Variants in PRKG1 observed in about 807,000 individuals in gnomAD.
The protein encoded by PRKG1 is cGMP-dependent protein kinase 1.
Under a neutral mutation model 88.1 loss-of-function variants are expected in PRKG1, and 35 were observed. The observed-to-expected ratio is 0.40, with a 90% CI of 0.30 to 0.53. PRKG1 has a LOEUF of 0.53. Ranked by LOEUF, PRKG1 falls within the 20% of genes least tolerant of loss-of-function variation. The pLI, the probability that PRKG1 is intolerant of heterozygous loss-of-function variation, is 0.59. For missense variants in PRKG1, 540 were observed against 839.8 expected, an observed-to-expected ratio of 0.64 and a Z score of 4.41; for synonymous variants, 303 against 292.5, an observed-to-expected ratio of 1.04 and a Z score of -0.37.
intron 2 of PRKG1, among the ~76,000 whole-genome samples, chr10:51,319,646 T>C (rs1156450796): frequency 6.6e-6 from 1 of 152,234 alleles, no homozygotes; most frequent in Non-Finnish European, 1.5e-5. Context: ...TCTACCAAAA[T>C]GTGTTGACCA....
Position 51,361,014 on chromosome 10 carries a change from A to C in PRKG1, c.479-106709A>C, listed in dbSNP as rs142180249. Among the ~76,000 whole-genome samples, 1,403 of 151,980 alleles carry C rather than the reference A, an allele frequency of 9.2e-3. 10 individuals are homozygous for C. Among genetic ancestry groups the C allele is most frequent in the Middle Eastern group, 0.017 (5 of 294 alleles). On this transcript the variant is annotated intron_variant, in intron 2 of 17. Transcript: ENST00000373980. ...GAAGTTAAGGAAAATGTGTCATTGG[A>C]GCTATAGTATATTTAAGGGCACTTA...
At chr10:52,144,868 T>G (rs772210905) in intron 8 of PRKG1, among the ~76,000 whole-genome samples, 12 of 152,162 alleles carry the variant, frequency 7.9e-5, no homozygotes, top group Middle Eastern at 3.2e-3. Context: ...AAGTAGATTT[T>G]TATTAATAAT....
rs1564551792 is a variant in PRKG1, at chr10:52,298,132, T to C, written c.*4232T>C. ...TACAGCTATGGTTATTTGATTGTCCTCTTACAATTTGTTCTACATGAAAGA... is the reference window on the plus strand; with the variant it reads ...TACAGCTATGGTTATTTGATTGTCCCCTTACAATTTGTTCTACATGAAAGA... On this transcript the variant is annotated 3_prime_UTR_variant, in exon 18 of 18. Transcript: ENST00000373980. 6.6e-6 allele frequency: 1 copy of C among 152,108 alleles called. No homozygotes were observed. The highest frequency in any genetic ancestry group is 2.4e-5 in the African/African-American group (1 of 41,420). 9.4% of individuals were successfully genotyped at this position (152,108 alleles called of 1,614,324 possible).
intron 3 of PRKG1, among the ~76,000 whole-genome samples, chr10:51,761,335 T>C (rs1838017134): frequency 6.6e-6 from 1 of 152,212 alleles, no homozygotes; most frequent in African/African-American, 2.4e-5. Context: ...TGCCTTCCTT[T>C]TTGTTATGGT....
At chr10:51,692,369 A>G (rs1253982937) in intron 3 of PRKG1, among the ~76,000 whole-genome samples, 1 of 152,012 alleles carries the variant, frequency 6.6e-6, no homozygotes, top group African/African-American at 2.4e-5. Flanking sequence ...CAGCCTCCCA[A>G]GTAGCTGGGA....
At chr10:52,166,961 A>T (rs183071772) in intron 9 of PRKG1, among the ~76,000 whole-genome samples, 23 of 150,802 alleles carry the variant, frequency 1.5e-4, no homozygotes, top group Middle Eastern at 3.4e-3. Flanking sequence ...AACAATCTAA[A>T]CCAAACACAA....
At chr10:51,582,291 A>G (rs934314815) in intron 3 of PRKG1, among the ~76,000 whole-genome samples, 1 of 152,162 alleles carries the variant, frequency 6.6e-6, no homozygotes, top group Non-Finnish European at 1.5e-5. Context: ...TGACCTCTGC[A>G]GTGAGAGTAG....
chr10:51,874,399 G>A (rs749456337), intron 4 of PRKG1, among the ~76,000 whole-genome samples: 2 of 152,216 alleles, frequency 1.3e-5, no homozygotes, highest in Non-Finnish European at 2.9e-5. Flanking sequence ...AAGCCGAGAA[G>A]TAGTAGTACA....
At chr10:52,014,582 A>G (rs1322003911) in intron 5 of PRKG1, among the ~76,000 whole-genome samples, 1 of 152,188 alleles carries the variant, frequency 6.6e-6, no homozygotes, top group African/African-American at 2.4e-5. Context: ...AAAATTAATC[A>G]TGCCTTTCCA....
chr10:51,438,641 A>G (rs780647234), intron 2 of PRKG1, among the ~76,000 whole-genome samples: 1 of 151,962 alleles, frequency 6.6e-6, no homozygotes, highest in Non-Finnish European at 1.5e-5. Flanking sequence ...GTTACATACT[A>G]TCAATGATGA....
chr10:51,570,417 C>T (rs1837723197), intron 3 of PRKG1, among the ~76,000 whole-genome samples: 1 of 151,762 alleles, frequency 6.6e-6, no homozygotes, highest in African/African-American at 2.4e-5. Context: ...ATTTACTGTT[C>T]ATTAAGTGGA....
At position 51,134,590 on chromosome 10, in the gene PRKG1, A is replaced by G. The variant is rs145576290; in HGVS notation, c.312-18574A>G. 2.4e-3 allele frequency among the ~76,000 whole-genome samples: 372 copies of G among 152,326 alleles called. 3 individuals carry two copies. The highest frequency in any genetic ancestry group is 8.6e-3 in the African/African-American group (357 of 41,580). On this transcript the variant is annotated intron_variant, in intron 1 of 17. Transcript: ENST00000373980. Reference sequence around the variant, plus strand: ...GCCAAATAATAGTGGAGAAAATAATAGTGAATGTCAACCTTTTGTAGCTCC... The same window carrying G: ...GCCAAATAATAGTGGAGAAAATAATGGTGAATGTCAACCTTTTGTAGCTCC...
chr10:51,933,478 T>C (rs1204309184), intron 5 of PRKG1, among the ~76,000 whole-genome samples: 7 of 152,154 alleles, frequency 4.6e-5, no homozygotes, highest in Non-Finnish European at 1.0e-4. Context: ...TCCCTTTTAA[T>C]GGTGAACTTC....
intron 2 of PRKG1, among the ~76,000 whole-genome samples, chr10:51,331,118 C>A (rs1459011370): frequency 6.6e-6 from 1 of 152,090 alleles, no homozygotes; most frequent in Non-Finnish European, 1.5e-5. Context: ...GCTGGGGTGG[C>A]AGAAGCCCTT....
intron 1 of PRKG1, among the ~76,000 whole-genome samples, chr10:51,094,068 G>A (rs1226891200): frequency 6.6e-6 from 1 of 151,928 alleles, no homozygotes; most frequent in Non-Finnish European, 1.5e-5. Context: ...AGTGAACAAT[G>A]AGTGCTGTTT....
In PRKG1 at chr10:51,154,311, C is replaced by T. The variant is rs573402990; in HGVS notation, c.478+981C>T. Reference sequence around the variant, plus strand: ...GGGGACATTTGGTGATATCTGGAGACATTTTTGGTTGTCACAAAGGGGGTG... The same window carrying T: ...GGGGACATTTGGTGATATCTGGAGATATTTTTGGTTGTCACAAAGGGGGTG... On this transcript the variant is annotated intron_variant, in intron 2 of 17. Transcript: ENST00000373980. Among the ~76,000 whole-genome samples the T allele has an allele frequency of 1.3e-4, 19 of 151,826 alleles. No homozygotes were observed. In the East Asian group the frequency reaches 3.1e-3, roughly 25 times the overall value.
intron 3 of PRKG1, among the ~76,000 whole-genome samples, chr10:51,596,374 G>A (rs1838448672): frequency 6.6e-6 from 1 of 151,982 alleles, no homozygotes; most frequent in Non-Finnish European, 1.5e-5. Flanking sequence ...TCTTCCTAAG[G>A]GACACACTTC....
At chr10:52,217,340 A>C (rs11001229) in intron 9 of PRKG1, among the ~76,000 whole-genome samples, 10,898 of 144,008 alleles carry the variant, frequency 0.076, 792 homozygotes, top group African/African-American at 0.19. Context: ...ACACATTTAT[A>C]TATCTATCTA....
chr10:51,102,807 G>C (rs1844718041), intron 1 of PRKG1, among the ~76,000 whole-genome samples: 1 of 152,072 alleles, frequency 6.6e-6, no homozygotes, highest in African/African-American at 2.4e-5. Context: ...AAGTATTTTG[G>C]TGAAGCAAAT....
Sources: gnomAD v4.1 joint callset for allele counts (sites outside exome capture counted in the v4.1 genomes callset) on GRCh38, gnomAD v4.1.1 for gene constraint, MANE v1.5 for transcripts, NCBI Gene and HGNC (gene_info 2026-07-23, HGNC 2026-07-21) for gene names.